Variants in WNT7A observed in about 807,000 individuals in gnomAD.
The protein encoded by WNT7A is Wnt family member 7A.
A neutral mutation model predicts 28.2 loss-of-function variants in WNT7A; 16 were observed. The ratio of observed to expected loss-of-function variants is 0.57; its 90% CI spans 0.38 to 0.86. WNT7A has a LOEUF of 0.86. Among genes scored for constraint, WNT7A ranks in the 40% least tolerant of loss-of-function variants. The pLI, the probability that WNT7A is intolerant of heterozygous loss-of-function variation, is 0.00. For missense variants in WNT7A, 411 were observed against 489.7 expected (o/e 0.84, Z 1.52); for synonymous variants, 190 against 195.9 (o/e 0.97, Z 0.25).
rs571548027 is a variant in WNT7A, at chr3:13,877,866, G to A, written c.71+1880C>T. Among the ~76,000 whole-genome samples the A allele has an allele frequency of 2.0e-4, 31 of 152,350 alleles. No individual in the cohort carries two copies. In the South Asian group the frequency reaches 5.4e-3, roughly 26 times the overall value. On this transcript the variant is annotated intron_variant, in intron 1 of 3. Transcript: ENST00000285018. ...TAGTGCGGAGTCACCTGAACTATCC[G>A]AGCAAAATAAGAATACCGCAGATGC...
chr3:13,860,599 A>G (rs1694812828), intron 2 of WNT7A, among the ~76,000 whole-genome samples: 1 of 152,106 alleles, frequency 6.6e-6, no homozygotes, highest in African/African-American at 2.4e-5. Context: ...ATCCTAGGTA[A>G]GATAGGGAAA....
In WNT7A at chr3:13,818,351, C is replaced by CAAGAAAAAAAAAAAAAA. The variant is rs1694047077; in HGVS notation, c.*592_*593insTTTTTTTTTTTTTTCTT. The CAAGAAAAAAAAAAAAAA allele has an allele frequency of 1.3e-5, 1 of 79,952 alleles. No homozygotes were observed. Among genetic ancestry groups the CAAGAAAAAAAAAAAAAA allele is most frequent in the East Asian group, 5.0e-4 (1 of 2,020 alleles). 5.0% of individuals were successfully genotyped at this position (79,952 alleles called of 1,614,324 possible). On this transcript the variant is annotated 3_prime_UTR_variant, in exon 4 of 4. Transcript: ENST00000285018. ...TTTCTGGATAAGTAGCAGCAAACAG[C>CAAGAAAAAAAAAAAAAA]AAAAAAAAAAAAAAAAATGTGTGTG...
At chr3:13,838,485 C>A (rs945254632) in intron 3 of WNT7A, among the ~76,000 whole-genome samples, 2 of 152,230 alleles carry the variant, frequency 1.3e-5, no homozygotes, top group African/African-American at 4.8e-5. Context: ...CCTCAGGATA[C>A]CACTTAACCT....
At chr3:13,830,749 C>CT (rs1694269503) in intron 3 of WNT7A, among the ~76,000 whole-genome samples, 1 of 152,200 alleles carries the variant, frequency 6.6e-6, no homozygotes, top group African/African-American at 2.4e-5. Flanking sequence ...TAACACTGCC[C>CT]TCCAGGGCAG....
At chr3:13,877,776 C>T (rs1009663839) in intron 1 of WNT7A, among the ~76,000 whole-genome samples, 1 of 152,156 alleles carries the variant, frequency 6.6e-6, no homozygotes, top group Non-Finnish European at 1.5e-5. Context: ...AGTGAGTGCC[C>T]CATAAATGTG....
At chr3:13,866,208 T>G (rs981850553) in intron 2 of WNT7A, among the ~76,000 whole-genome samples, 1 of 152,242 alleles carries the variant, frequency 6.6e-6, no homozygotes, top group African/African-American at 2.4e-5. Flanking sequence ...GCCCTCCATG[T>G]GCCAGGCACT....
chr3:13,858,968 G>T (rs1320767086), intron 2 of WNT7A, among the ~76,000 whole-genome samples: 1 of 152,174 alleles, frequency 6.6e-6, no homozygotes, highest in Non-Finnish European at 1.5e-5. Flanking sequence ...ACCCTTCGTT[G>T]CTTCCTCTGT....
intron 2 of WNT7A, among the ~76,000 whole-genome samples, chr3:13,873,636 C>T (rs1480358198): frequency 1.3e-5 from 2 of 152,152 alleles, no homozygotes; most frequent in Non-Finnish European, 2.9e-5. Flanking sequence ...AGTAGAGCCC[C>T]TGCCCTCATG....
rs560807198 is a variant in WNT7A, at chr3:13,878,383, C to G, written c.71+1363G>C. Reference sequence around the variant, plus strand: ...TCCTGGATGCTGAATGTGCGCGGGGCGGCGGGGCGCGGGCCAAGATGAAGA... The same window carrying G: ...TCCTGGATGCTGAATGTGCGCGGGGGGGCGGGGCGCGGGCCAAGATGAAGA... On this transcript the variant is annotated intron_variant, in intron 1 of 3. Coordinates refer to ENST00000285018, the MANE Select transcript of WNT7A (RefSeq NM_004625.4). Among the ~76,000 whole-genome samples the G allele has an allele frequency of 6.3e-3, 954 of 152,210 alleles. 16 individuals carry two copies. Among genetic ancestry groups the G allele is most frequent in the African/African-American group, 0.021 (884 of 41,546 alleles).
intron 3 of WNT7A, among the ~76,000 whole-genome samples, chr3:13,853,064 T>C (rs1193706151): frequency 6.8e-6 from 1 of 147,592 alleles, no homozygotes; most frequent in African/African-American, 2.6e-5. Context: ...CCACTCAAAG[T>C]AGCCCTCTGC....
intron 2 of WNT7A, among the ~76,000 whole-genome samples, chr3:13,866,004 G>C (rs1694904847): frequency 6.6e-6 from 1 of 152,232 alleles, no homozygotes. Context: ...GATGGTCCAG[G>C]AAGACCTCCT....
chr3:13,838,853 C>G (rs1185685270), intron 3 of WNT7A, among the ~76,000 whole-genome samples: 1 of 152,210 alleles, frequency 6.6e-6, no homozygotes, highest in Non-Finnish European at 1.5e-5. Flanking sequence ...TCCTCCAAAA[C>G]GGGAGCCATG....
At chr3:13,826,459 G>A (rs1331175936) in intron 3 of WNT7A, among the ~76,000 whole-genome samples, 1 of 152,128 alleles carries the variant, frequency 6.6e-6, no homozygotes, top group African/African-American at 2.4e-5. Context: ...CAGGTAGATG[G>A]GGAAAAGGCA....
intron 1 of WNT7A, among the ~76,000 whole-genome samples, 154 bp downstream of exon 1, chr3:13,879,592 C>T (rs540139829): frequency 1.7e-4 from 26 of 152,124 alleles, no homozygotes; most frequent in Admixed American, 4.6e-4. Flanking sequence ...TGCGGGGGGC[C>T]TTTGTGCGTC....
intron 3 of WNT7A, among the ~76,000 whole-genome samples, chr3:13,833,228 C>T (rs888151370): frequency 1.2e-4 from 18 of 152,184 alleles, no homozygotes; most frequent in Admixed American, 5.2e-4. Flanking sequence ...TACGCCTGTG[C>T]GCACACTCAC....
At chr3:13,852,692 C>T (rs563135002) in intron 3 of WNT7A, among the ~76,000 whole-genome samples, 18 of 152,210 alleles carry the variant, frequency 1.2e-4, no homozygotes, top group East Asian at 3.9e-4. Flanking sequence ...ACCACCTCAC[C>T]GTGCTCTGGC....
At chr3:13,828,591 T>C (rs563785741) in intron 3 of WNT7A, among the ~76,000 whole-genome samples, 1 of 152,314 alleles carries the variant, frequency 6.6e-6, no homozygotes, top group South Asian at 2.1e-4. Flanking sequence ...AAGCCACACA[T>C]GGCATGGCGC....
At chr3:13,851,400 A>G (rs1694635225) in intron 3 of WNT7A, among the ~76,000 whole-genome samples, 1 of 152,144 alleles carries the variant, frequency 6.6e-6, no homozygotes, top group Admixed American at 6.5e-5. Context: ...GCTTTTGAAC[A>G]TGCCTGTGCT....
At chr3:13,845,294 G>A (rs1292115160) in intron 3 of WNT7A, among the ~76,000 whole-genome samples, 5 of 152,126 alleles carry the variant, frequency 3.3e-5, no homozygotes, top group South Asian at 2.1e-4. Context: ...CTCCGTGCCC[G>A]CCACTCTAAG....
Sources: gnomAD v4.1 joint callset for allele counts (sites outside exome capture counted in the v4.1 genomes callset) on GRCh38, gnomAD v4.1.1 for gene constraint, MANE v1.5 for transcripts, NCBI Gene and HGNC (gene_info 2026-07-23, HGNC 2026-07-21) for gene names.